Variants in DAB1 observed in about 807,000 individuals in gnomAD.
The protein encoded by DAB1 is DAB adaptor protein 1.
In DAB1, 15 loss-of-function variants were observed where a neutral mutation model predicts 64.6. The observed-to-expected ratio is 0.23, with a 90% confidence interval of 0.16 to 0.36. The LOEUF (loss-of-function observed/expected upper bound fraction) is 0.36. DAB1 is among the 10% of genes least tolerant of loss of function. The probability of loss-of-function intolerance (pLI) is 1.00; values close to 1 mark genes in which losing one functional copy is unlikely to be tolerated. For synonymous variants in DAB1, 235 were observed against 251.9 expected (o/e 0.93, Z 0.64); for missense variants, 596 against 706.7 (o/e 0.84, Z 1.78).
At chr1:58,384,144 T>C (rs1644413514) in intron 3 of DAB1, among the ~76,000 whole-genome samples, 1 of 152,108 alleles carries the variant, frequency 6.6e-6, no homozygotes, top group South Asian at 2.1e-4. Flanking sequence ...TGATTATCAA[T>C]GTTGAACAAC....
chr1:57,953,373 T>G (rs1645318727), intron 5 of DAB1, among the ~76,000 whole-genome samples: 1 of 152,244 alleles, frequency 6.6e-6, no homozygotes, highest in Non-Finnish European at 1.5e-5. Context: ...GTTTATTGCC[T>G]GCTAGTGTTT....
intron 6 of DAB1, among the ~76,000 whole-genome samples, chr1:57,727,013 A>T (rs1323031093): frequency 6.6e-6 from 1 of 152,232 alleles, no homozygotes; most frequent in Admixed American, 6.5e-5. Flanking sequence ...GTGTGAATTT[A>T]TGAAAAGAAC....
intron 6 of DAB1, among the ~76,000 whole-genome samples, chr1:57,811,247 T>C (rs1651605342): frequency 6.6e-6 from 1 of 152,198 alleles, no homozygotes; most frequent in African/African-American, 2.4e-5. Flanking sequence ...CAAATTGTAA[T>C]CCCCAATGTC....
chr1:57,990,226 C>T (rs1467861217), intron 5 of DAB1, among the ~76,000 whole-genome samples: 2 of 152,170 alleles, frequency 1.3e-5, no homozygotes, highest in African/African-American at 4.8e-5. Context: ...GATGCAACAG[C>T]AGAACTTATT....
chr1:57,365,918 G>C (rs895459321), intron 1 of DAB1, among the ~76,000 whole-genome samples: 5 of 151,940 alleles, frequency 3.3e-5, no homozygotes, highest in African/African-American at 1.2e-4. Context: ...AGTTCTAAAA[G>C]AGAGGAAATA....
At chr1:58,045,429 C>T (rs548463018) in intron 5 of DAB1, among the ~76,000 whole-genome samples, 7 of 152,294 alleles carry the variant, frequency 4.6e-5, no homozygotes, top group East Asian at 3.9e-4. Flanking sequence ...ACTCCGCGAG[C>T]GGGGCTGTTA....
intron 1 of DAB1, among the ~76,000 whole-genome samples, chr1:57,327,361 G>C (rs1223933165): frequency 6.6e-6 from 1 of 152,156 alleles, no homozygotes; most frequent in Admixed American, 6.5e-5. Flanking sequence ...ATGCGCACCA[G>C]TCTCTACCAG....
intron 7 of DAB1, among the ~76,000 whole-genome samples, chr1:57,531,080 A>G (rs1644658029): frequency 6.6e-6 from 1 of 152,212 alleles, no homozygotes; most frequent in African/African-American, 2.4e-5. Flanking sequence ...AAGCTAAGCC[A>G]TCACATCCCC....
At chr1:57,930,782 A>G (rs1317836637) in intron 5 of DAB1, among the ~76,000 whole-genome samples, 1 of 152,172 alleles carries the variant, frequency 6.6e-6, no homozygotes, top group Non-Finnish European at 1.5e-5. Flanking sequence ...GATTTTCTAC[A>G]TAGATTATTA....
At chr1:57,959,267 C>G (rs1419236) in intron 5 of DAB1, among the ~76,000 whole-genome samples, 53,800 of 152,050 alleles carry the variant, frequency 0.35, 10,696 homozygotes, top group Admixed American at 0.47. Flanking sequence ...GTGCAAGGGT[C>G]AAATATAGCA....
chr1:58,139,123 G>C (rs1393953190), intron 5 of DAB1, among the ~76,000 whole-genome samples: 1 of 152,058 alleles, frequency 6.6e-6, no homozygotes, highest in Non-Finnish European at 1.5e-5. Flanking sequence ...TCTAGGTAGA[G>C]AGACCAGAGC....
chr1:58,044,988 C>G lies in DAB1; in HGVS notation n.387+105523G>C, dbSNP rs1158186857. Among the ~76,000 whole-genome samples the G allele has an allele frequency of 2.0e-5, 3 of 152,276 alleles. No homozygotes were observed. In the East Asian group the frequency reaches 5.8e-4, roughly 29 times the overall value. On this transcript the variant is annotated intron_variant and non_coding_transcript_variant, in intron 5 of 20. Transcript: ENST00000485760. ...TAATAGAGGGATGCTAGGCTTAGAA[C>G]TCTGACTAGAAAATCTGTTTTTTTC...
chr1:57,004,893 T>TAAC (rs34716897), intron 14 of DAB1, among the ~76,000 whole-genome samples: 25,690 of 151,986 alleles, frequency 0.17, 2,933 homozygotes, highest in East Asian at 0.33. Context: ...GTGGAGGGAA[T>TAAC]AACATCTACC....
chr1:58,242,862 A>G (rs1002885474), intron 4 of DAB1, among the ~76,000 whole-genome samples: 3 of 152,112 alleles, frequency 2.0e-5, no homozygotes, highest in African/African-American at 7.2e-5. Context: ...ATTAACCCTG[A>G]AACAGTTCGC....
intron 4 of DAB1, among the ~76,000 whole-genome samples, chr1:58,168,028 C>T (rs138440546): frequency 2.0e-4 from 30 of 152,326 alleles, no homozygotes; most frequent in African/African-American, 5.8e-4. Flanking sequence ...TATCGACTAT[C>T]GCCAAGTGGT....
intron 7 of DAB1, among the ~76,000 whole-genome samples, chr1:57,638,176 G>T (rs907808701): frequency 6.6e-6 from 1 of 151,974 alleles, no homozygotes; most frequent in Non-Finnish European, 1.5e-5. Flanking sequence ...AAACTCCACA[G>T]AATATGTTTA....
intron 7 of DAB1, among the ~76,000 whole-genome samples, chr1:57,635,398 C>T (rs1189090142): frequency 6.6e-6 from 1 of 152,128 alleles, no homozygotes; most frequent in Admixed American, 6.5e-5. Flanking sequence ...CCATCGCTTG[C>T]GTTACTGCCT....
chr1:57,685,081 T>C (rs1292512625), intron 6 of DAB1, among the ~76,000 whole-genome samples: 1 of 151,836 alleles, frequency 6.6e-6, no homozygotes, highest in Non-Finnish European at 1.5e-5. Context: ...GTCTTCTGAG[T>C]AGCTGGGACT....
chr1:57,678,586 G>T (rs563596976), intron 6 of DAB1, among the ~76,000 whole-genome samples: 2 of 152,106 alleles, frequency 1.3e-5, no homozygotes, highest in South Asian at 2.1e-4. Flanking sequence ...ACCTCAGGGG[G>T]TAGACTAGGA....
Sources: gnomAD v4.1 joint callset for allele counts (sites outside exome capture counted in the v4.1 genomes callset) on GRCh38, gnomAD v4.1.1 for gene constraint, MANE v1.5 for transcripts, NCBI Gene and HGNC (gene_info 2026-07-23, HGNC 2026-07-21) for gene names.